The following C2CD2 variants were observed in gnomAD, a reference collection of about 807,000 sequenced individuals.
C2CD2 encodes the protein C2 domain-containing protein 2.
C2CD2 carries 43 observed loss-of-function variants against 74.3 expected under a neutral mutation model. The ratio of observed to expected loss-of-function variants is 0.58; its 90% CI spans 0.45 to 0.75. The LOEUF is 0.75. C2CD2 is among the 30% of genes least tolerant of loss of function. C2CD2 has a pLI of 0.00. For synonymous variants in C2CD2, 422 were observed against 390.7 expected, an observed-to-expected ratio of 1.08 and a Z score of -0.94; for missense variants, 801 against 916.3, an observed-to-expected ratio of 0.87 and a Z score of 1.63.
At chr21:41,943,471 C>T (rs145908006) in intron 1 of C2CD2, among the ~76,000 whole-genome samples, 4 of 152,266 alleles carry the variant, frequency 2.6e-5, no homozygotes, top group African/African-American at 7.2e-5. Flanking sequence ...AATCCCAGAT[C>T]GAAACTCTCC....
In C2CD2 at chr21:41,894,900, C is replaced by T. The variant is rs572836188; in HGVS notation, c.1870+4153G>A. 6.9e-4 allele frequency: 314 copies of T among 456,744 alleles called. 2 individuals carry two copies. Among genetic ancestry groups the T allele is most frequent in the African/African-American group, 5.6e-3 (281 of 50,194 alleles). The allele number at this position is 456,744 out of a possible 1,614,324, so 28.3% of individuals were successfully genotyped here. On this transcript the variant is annotated intron_variant, in intron 13 of 13. Coordinates refer to ENST00000380486, the MANE Select transcript of C2CD2 (RefSeq NM_015500.2). ...GGCTGAGACAGGAGCACACTCTTGTCTGCTGGGCAGTAACCCCATATGGAA... is the reference window on the plus strand; with the variant it reads ...GGCTGAGACAGGAGCACACTCTTGTTTGCTGGGCAGTAACCCCATATGGAA...
chr21:41,936,799 A>C (rs1490314302), intron 2 of C2CD2, among the ~76,000 whole-genome samples: 5 of 147,640 alleles, frequency 3.4e-5, no homozygotes, highest in African/African-American at 1.3e-4. Context: ...TTTTTCTTCC[A>C]TATGATTTTC....
chr21:41,892,805 G>GGC lies in C2CD2; in HGVS notation c.1871-3463_1871-3462dup, dbSNP rs1446216655. Among the ~76,000 whole-genome samples, 1 of 152,260 alleles carries GGC rather than the reference G, an allele frequency of 6.6e-6. No homozygotes were observed. Among genetic ancestry groups the GGC allele is most frequent in the Non-Finnish European group, 1.5e-5 (1 of 68,048 alleles). ...GGAGCAGGCCAGGGCCAAGGACACA[G>GGC]GCACCATACCTGCTCTCCTGCATGT... is the stretch of plus-strand genomic sequence containing the variant. On this transcript the variant is annotated intron_variant, in intron 13 of 13. Transcript: ENST00000380486. This position sits in a 1 kb window ranked among gnomAD's most constrained non-coding sequence, Gnocchi z 4.6.
intron 2 of C2CD2, among the ~76,000 whole-genome samples, chr21:41,938,815 C>A (rs2065331070): frequency 6.7e-6 from 1 of 150,188 alleles, no homozygotes. Context: ...GATCTCGGCT[C>A]ACTGCAACCT....
intron 4 of C2CD2, 29 bp from the exon 5 acceptor site, chr21:41,918,256 C>T (rs1276391791): frequency 9.3e-6 from 15 of 1,611,470 alleles, no homozygotes; most frequent in South Asian, 7.7e-5. Flanking sequence ...GTTGACAAAT[C>T]GCCTTTGCAA....
intron 1 of C2CD2, among the ~76,000 whole-genome samples, chr21:41,942,754 GC>G (rs1232871162): frequency 6.6e-6 from 1 of 152,074 alleles, no homozygotes; most frequent in Non-Finnish European, 1.5e-5. Context: ...TACTTAGGGT[GC>G]CCCCCATTCT....
rs935346683 is a variant in C2CD2, at chr21:41,888,092, A to G, written c.*1032T>C. 6.5e-6 allele frequency: 1 copy of G among 152,682 alleles called. No individual in the cohort carries two copies. Among genetic ancestry groups the G allele is most frequent in the African/African-American group, 2.4e-5 (1 of 41,466 alleles). 9.5% of individuals were successfully genotyped at this position (152,682 alleles called of 1,614,324 possible). On this transcript the variant is annotated 3_prime_UTR_variant, in exon 14 of 14. Transcript: ENST00000380486. ...CACAGCAAAATTCTGAAGCGCTCAT[A>G]GAAGGAATGTCCTGCGAGTTTGGCC...
Position 41,889,443 on chromosome 21 carries a change from C to G in C2CD2, c.1871-99G>C, listed in dbSNP as rs545549310. ...AAGGGAAAAGGAGGCTCGAATGCCT[C>G]TAACGAAGGGCCAGTTTACTACTTC... On this transcript the variant is annotated intron_variant, in intron 13 of 13. Coordinates refer to ENST00000380486, the MANE Select transcript of C2CD2 (RefSeq NM_015500.2). The G allele has an allele frequency of 4.8e-4, 369 of 774,368 alleles. 1 individual carries two copies. The highest frequency in any genetic ancestry group is 7.2e-4 in the Non-Finnish European group (324 of 449,508). 48.0% of individuals were successfully genotyped at this position (774,368 alleles called of 1,614,324 possible).
chr21:41,904,617 C>T (rs962094037), intron 11 of C2CD2, among the ~76,000 whole-genome samples: 3 of 152,088 alleles, frequency 2.0e-5, no homozygotes, highest in African/African-American at 4.8e-5. Flanking sequence ...GGGGACCCAG[C>T]GGGGTAGTAT....
At chr21:41,907,888 G>T in intron 8 of C2CD2, 104 bp from the exon 9 acceptor site, 1 of 1,198,966 alleles carries the variant, frequency 8.3e-7, no homozygotes, top group Non-Finnish European at 1.2e-6. Flanking sequence ...CTCCTCCCGT[G>T]CATCCAGCCC....
intron 7 of C2CD2, among the ~76,000 whole-genome samples, chr21:41,910,830 A>G (rs2065018019): frequency 6.6e-6 from 1 of 152,228 alleles, no homozygotes; most frequent in Admixed American, 6.5e-5. Context: ...TTTTTAAAAT[A>G]TTCATTTCTA....
intron 13 of C2CD2, chr21:41,894,914 C>G (rs906234388): frequency 2.2e-6 from 1 of 456,750 alleles, no homozygotes; most frequent in Non-Finnish European, 4.4e-6. Flanking sequence ...TGGGCAGTAA[C>G]CCCATATGGA....
chr21:41,905,107 T>C (rs1407521433), intron 11 of C2CD2, among the ~76,000 whole-genome samples: 1 of 152,044 alleles, frequency 6.6e-6, no homozygotes, highest in East Asian at 1.9e-4. Context: ...TATTTGCTAT[T>C]AATGTAGCTA....
At chr21:41,938,119 G>GT (rs2065323638) in intron 2 of C2CD2, among the ~76,000 whole-genome samples, 1 of 151,502 alleles carries the variant, frequency 6.6e-6, no homozygotes, top group Admixed American at 6.6e-5. Context: ...ACACAAAATG[G>GT]TAAGTATGTG....
At chr21:41,893,300 G>A (rs1445932676) in intron 13 of C2CD2, among the ~76,000 whole-genome samples, 2 of 152,100 alleles carry the variant, frequency 1.3e-5, no homozygotes, top group Admixed American at 6.6e-5. Flanking sequence ...ACAAGAATTC[G>A]AGACTACAAT....
chr21:41,914,098 C>T (rs533851093), intron 6 of C2CD2, among the ~76,000 whole-genome samples: 187 of 152,084 alleles, frequency 1.2e-3, no homozygotes, highest in African/African-American at 3.9e-3. Context: ...TGGTGGTGCA[C>T]GCCTGTAATC....
chr21:41,925,498 C>T (rs2065201433), intron 2 of C2CD2, among the ~76,000 whole-genome samples: 1 of 152,088 alleles, frequency 6.6e-6, no homozygotes, highest in South Asian at 2.1e-4. Flanking sequence ...TTTACATGGC[C>T]AAACAAAATA....
rs927599533 is a variant in C2CD2 at position 41,895,123 on chromosome 21, T to G, written c.1870+3930A>C. 3 of 365,192 alleles carry G rather than the reference T, an allele frequency of 8.2e-6. No individual in the cohort carries two copies. Among genetic ancestry groups the G allele is most frequent in the African/African-American group, 4.2e-5 (2 of 47,228 alleles). 22.6% of individuals were successfully genotyped at this position (365,192 alleles called of 1,614,324 possible). On this transcript the variant is annotated intron_variant, in intron 13 of 13. Coordinates refer to ENST00000380486, the MANE Select transcript of C2CD2 (RefSeq NM_015500.2). This position sits in a 1 kb window ranked among gnomAD's most constrained non-coding sequence, Gnocchi z 5.0. Reference sequence around the variant, plus strand: ...GAGAATGTGGGTAGGCCTCATCCAATCAGCTGAAGGCCCTAAGAGCAAACA... The same window carrying G: ...GAGAATGTGGGTAGGCCTCATCCAAGCAGCTGAAGGCCCTAAGAGCAAACA...
At chr21:41,914,798 G>A (rs1441104760) in intron 5 of C2CD2, 77 bp from the exon 6 acceptor site, 25 of 1,291,606 alleles carry the variant, frequency 1.9e-5, no homozygotes, top group Non-Finnish European at 2.4e-5. Context: ...CTGGACTCCT[G>A]TTATGGGGGG....
Sources: gnomAD v4.1 joint callset for allele counts (sites outside exome capture counted in the v4.1 genomes callset) on GRCh38, gnomAD v4.1.1 for gene constraint, Gnocchi (gnomAD v3.1) non-coding constraint, MANE v1.5 for transcripts, NCBI Gene and HGNC (gene_info 2026-07-23, HGNC 2026-07-21) for gene names.